FSD2: variants seen among roughly 807,000 people sequenced by gnomAD.
The protein encoded by FSD2 is fibronectin type III and SPRY domain-containing protein 2.
FSD2 carries 71 observed loss-of-function variants against 80.4 expected under a neutral mutation model. The ratio of observed to expected loss-of-function variants is 0.88; its 90% CI spans 0.73 to 1.08. The LOEUF is 1.08. Among genes scored for constraint, FSD2 ranks in the 50% least tolerant of loss-of-function variants. The pLI, the probability that FSD2 is intolerant of heterozygous loss-of-function variation, is 0.00. For synonymous variants in FSD2, 361 were observed against 329.5 expected, an observed-to-expected ratio of 1.10 and a Z score of -1.03; for missense variants, 923 against 913.8, an observed-to-expected ratio of 1.01 and a Z score of -0.13.
In FSD2 at chr15:82,784,230, T is replaced by TTTTTATTTTA. The variant is rs369110230; in HGVS notation, c.736-1215_736-1206dup. Among the ~76,000 whole-genome samples the TTTTTATTTTA allele has an allele frequency of 6.1e-4, 91 of 149,386 alleles. 1 individual carries two copies. Among genetic ancestry groups the TTTTTATTTTA allele is most frequent in the South Asian group, 1.3e-3 (6 of 4,726 alleles). ...GCTGGCAGAGCAGCATGTAAGAAGT[T>TTTTTATTTTA]TTTTATTTTATTTTATTTTATTTTA... On this transcript the variant is annotated intron_variant, in intron 3 of 12. Coordinates refer to ENST00000334574, the MANE Select transcript of FSD2 (RefSeq NM_001007122.4).
chr15:82,765,327 C>T (rs755740847), intron 10 of FSD2, 29 bp from the exon 11 acceptor site: 218 of 1,612,000 alleles, frequency 1.4e-4, no homozygotes, highest in Non-Finnish European at 1.8e-4. Context: ...ACAGAAGACC[C>T]GCAGCCAATC....
At chr15:82,761,869 A>G (rs1228131348) in intron 12 of FSD2, among the ~76,000 whole-genome samples, 2 of 152,110 alleles carry the variant, frequency 1.3e-5, no homozygotes, top group Non-Finnish European at 2.9e-5. Flanking sequence ...GAGATAATGC[A>G]TGTAAGAGTA....
intron 1 of FSD2, among the ~76,000 whole-genome samples, chr15:82,791,331 G>A (rs1185767935): frequency 6.6e-6 from 1 of 151,626 alleles, no homozygotes; most frequent in African/African-American, 2.4e-5. Flanking sequence ...ACACATATGT[G>A]CAGTGATCAC....
At position 82,765,318 on chromosome 15, in the gene FSD2, CAG is replaced by C; in HGVS notation, c.1688-22_1688-21del. 2.5e-6 allele frequency: 4 copies of C among 1,612,742 alleles called. No homozygotes were observed. Among genetic ancestry groups the C allele is most frequent in the African/African-American group, 2.7e-5 (2 of 74,982 alleles). ...AGCTTCCTGTGGGAGGAGGAACACA[CAG>C]AAGACCCGCAGCCAATCACTTGCTT... On this transcript the variant is annotated intron_variant, in intron 10 of 12. Coordinates refer to ENST00000334574, the MANE Select transcript of FSD2 (RefSeq NM_001007122.4).
At chr15:82,765,105 T>C (rs749262497) in intron 11 of FSD2, 61 bp downstream of exon 11, 24 of 1,509,020 alleles carry the variant, frequency 1.6e-5, no homozygotes, top group Non-Finnish European at 2.0e-5. Flanking sequence ...GGATTTGACC[T>C]GAATAACAGT....
At chr15:82,779,036 C>G (rs4132210) in intron 5 of FSD2, 149 bp from the exon 6 acceptor site, 148,149 of 936,808 alleles carry the variant, frequency 0.16, 14,201 homozygotes, top group South Asian at 0.31. Flanking sequence ...CATCTACCAT[C>G]TTTTTTGGAG....
intron 4 of FSD2, among the ~76,000 whole-genome samples, chr15:82,782,104 T>TAATAATAATAATAATAATCATAATAAA (rs749972634): frequency 8.4e-6 from 1 of 118,906 alleles, no homozygotes; most frequent in Admixed American, 8.8e-5. Flanking sequence ...ATAATAATAA[T>TAATAATAATAATAATAATCATAATAAA]AAAACTCTTG....
intron 1 of FSD2, among the ~76,000 whole-genome samples, chr15:82,797,775 A>C (rs2050312706): frequency 6.6e-6 from 1 of 152,146 alleles, no homozygotes; most frequent in South Asian, 2.1e-4. Flanking sequence ...ACGCCACTGC[A>C]CTCCAGCCTG....
intron 1 of FSD2, among the ~76,000 whole-genome samples, chr15:82,801,808 A>C (rs1442331859): frequency 6.6e-6 from 1 of 152,198 alleles, no homozygotes; most frequent in East Asian, 1.9e-4. Flanking sequence ...GCTGAGGCTG[A>C]GATACCATGA....
intron 1 of FSD2, among the ~76,000 whole-genome samples, chr15:82,790,742 A>ATTTTTT (rs56148573): frequency 1.5e-5 from 2 of 132,684 alleles, no homozygotes; most frequent in African/African-American, 2.8e-5. Context: ...TGCCCAGCTA[A>ATTTTTT]TTTTTTTTTT....
chr15:82,762,120 T>A lies in FSD2; in HGVS notation c.1979A>T (p.His660Leu). The A allele has an allele frequency of 6.2e-7, 1 of 1,603,728 alleles. No homozygotes were observed. Among genetic ancestry groups the A allele is most frequent in the Non-Finnish European group, 8.5e-7 (1 of 1,174,930 alleles). The change falls in exon 12 of 13, where the codon CAC becomes CTC. Residue 660 changes from histidine to leucine, a missense_variant. By Grantham distance (99) the His-to-Leu change is moderately conservative (BLOSUM62 -3). Transcript: ENST00000334574. ...GANCLSWCMR[H>L]TFASSRHKYE... The stretch of plus-strand genomic sequence containing the variant: ...ACTTTACCTTGATGATGCAAATGTG[T>A]GCCTCATGCACCAGGAGAGGCAATT...
In FSD2 at chr15:82,756,921, A is replaced by T. The variant is rs2049188852; in HGVS notation, c.*2427T>A. 6.6e-6 allele frequency: 1 copy of T among 152,242 alleles called. No individual in the cohort carries two copies. Among genetic ancestry groups the T allele is most frequent in the Non-Finnish European group, 1.5e-5 (1 of 68,038 alleles). 9.4% of individuals were successfully genotyped at this position (152,242 alleles called of 1,614,324 possible). ...TTTAACAGACTTATCAGCAGGTTGC[A>T]GGTGAACATGGCCTTGAGGTAAATC... On this transcript the variant is annotated 3_prime_UTR_variant, in exon 13 of 13. Coordinates refer to ENST00000334574, the MANE Select transcript of FSD2 (RefSeq NM_001007122.4).
chr15:82,759,667 C>G (rs2049244995), intron 12 of FSD2, 67 bp from the exon 13 acceptor site: 2 of 1,309,542 alleles, frequency 1.5e-6, no homozygotes, highest in South Asian at 3.1e-5. Flanking sequence ...TAGAACATTT[C>G]ATACTAATTT....
intron 1 of FSD2, among the ~76,000 whole-genome samples, chr15:82,789,505 C>T (rs541113595): frequency 5.3e-5 from 8 of 151,938 alleles, no homozygotes; most frequent in African/African-American, 1.9e-4. Flanking sequence ...TGCTATCATC[C>T]CCATTTTGTA....
Position 82,772,220 on chromosome 15 carries a change from C to A in FSD2, c.1120G>T (p.Ala374Ser). 6.2e-7 allele frequency: 1 copy of A among 1,610,712 alleles called. No individual in the cohort carries two copies. Among genetic ancestry groups the A allele is most frequent in the Non-Finnish European group, 8.5e-7 (1 of 1,178,604 alleles). ...GSINTIPAPS[A>S]PVINPQVPNS... ...GGGACCTGTGGATTTATGACTGGAG[C>A]AGAAGGAGCTAGGAAAAGAAAAGAA... Residue 374 changes from alanine to serine, a missense_variant, in exon 7 of 13, where the codon GCT becomes TCT. Coordinates refer to ENST00000334574, the MANE Select transcript of FSD2 (RefSeq NM_001007122.4).
Position 82,778,824 on chromosome 15 carries a change from G to A in FSD2, c.1053C>T (p.Asp351=). Residue 351 remains aspartate, a synonymous_variant, in exon 6 of 13, where the codon GAC becomes GAT. Transcript: ENST00000334574. ...VEISAQPEFE[D]QTLDFSDVEQ... The stretch of plus-strand genomic sequence containing the variant: ...CCACATCAGAGAAATCCAAGGTCTG[G>A]TCTTCAAACTCAGGCTGTGCAGAGA... 1 of 1,613,914 alleles carries A rather than the reference G, an allele frequency of 6.2e-7. No homozygotes were observed. Among genetic ancestry groups the A allele is most frequent in the Non-Finnish European group, 8.5e-7 (1 of 1,179,866 alleles).
chr15:82,795,156 T>G (rs941036090), intron 1 of FSD2, among the ~76,000 whole-genome samples: 1 of 152,246 alleles, frequency 6.6e-6, no homozygotes, highest in Non-Finnish European at 1.5e-5. Context: ...GATTTATCTT[T>G]TTCTATCCTT....
At chr15:82,785,411 G>A (rs1039697170) in intron 3 of FSD2, among the ~76,000 whole-genome samples, 1 of 149,958 alleles carries the variant, frequency 6.7e-6, no homozygotes, top group African/African-American at 2.5e-5. Flanking sequence ...TGCAACCTCT[G>A]CCTCCCGGGT....
intron 3 of FSD2, among the ~76,000 whole-genome samples, chr15:82,784,133 A>G (rs2049939215): frequency 1.3e-5 from 2 of 152,232 alleles, no homozygotes; most frequent in South Asian, 4.1e-4. Flanking sequence ...GAGAAAGGCA[A>G]TAGATGAACT....
Sources: allele counts gnomAD v4.1 joint callset (sites outside exome capture counted in the v4.1 genomes callset), GRCh38; gene constraint gnomAD v4.1.1; transcripts MANE v1.5; gene names NCBI Gene and HGNC (gene_info 2026-07-23, HGNC 2026-07-21).